Variants in CAPN8 observed in about 807,000 individuals in gnomAD.
CAPN8 encodes calpain 8, also known as calpain-8.
A neutral mutation model predicts 80.9 loss-of-function variants in CAPN8; 87 were observed. The observed-to-expected ratio is 1.07, with a 90% CI of 0.90 to 1.28. The LOEUF (loss-of-function observed/expected upper bound fraction) is 1.28, where lower values mean the gene tolerates loss of function less well. Ranked by LOEUF, CAPN8 falls within the 50% of genes most tolerant of loss-of-function variation. CAPN8 has a pLI of 0.00. For synonymous variants in CAPN8, 299 were observed against 273.8 expected (o/e 1.09, Z -0.91); for missense variants, 757 against 702.0 (o/e 1.08, Z -0.89).
chr1:223,619,801 G>A (rs1289604831), intron 8 of CAPN8, among the ~76,000 whole-genome samples: 1 of 152,146 alleles, frequency 6.6e-6, no homozygotes, highest in Non-Finnish European at 1.5e-5. Context: ...GTTTAATTCG[G>A]AGTGATGTCC....
chr1:223,642,884 T>C, intron 2 of CAPN8: 1 of 451,104 alleles, frequency 2.2e-6, no homozygotes, highest in Non-Finnish European at 4.4e-6. Context: ...GCTTCAGGAC[T>C]TTCTGCCTCA....
intron 13 of CAPN8, among the ~76,000 whole-genome samples, chr1:223,557,209 A>C (rs2102694910): frequency 1.3e-5 from 1 of 77,268 alleles, no homozygotes; most frequent in South Asian, 4.4e-4. Context: ...CTCATGCATC[A>C]GCAGAAACAC....
intron 1 of CAPN8, among the ~76,000 whole-genome samples, chr1:223,657,014 G>GT (rs1248834659): frequency 6.6e-6 from 1 of 152,072 alleles, no homozygotes; most frequent in Non-Finnish European, 1.5e-5. Flanking sequence ...CATATGTCTT[G>GT]TACGTATGTC....
chr1:223,650,703 T>C (rs1410595667), intron 2 of CAPN8, among the ~76,000 whole-genome samples: 1 of 152,160 alleles, frequency 6.6e-6, no homozygotes, highest in Admixed American at 6.5e-5. Context: ...TTCCATGATC[T>C]AGTTGGATGA....
chr1:223,625,994 T>G (rs1311314562), intron 5 of CAPN8, 106 bp from the exon 6 acceptor site: 33 of 833,558 alleles, frequency 4.0e-5, no homozygotes, highest in Non-Finnish European at 5.8e-5. Context: ...GGCTTCAGTG[T>G]GGGACTAGGG....
At chr1:223,545,498 G>A (rs1413423317) in intron 16 of CAPN8, 199 bp from the exon 17 acceptor site, 9 of 797,076 alleles carry the variant, frequency 1.1e-5, no homozygotes, top group Admixed American at 2.9e-5. Flanking sequence ...GCTCTCCTCT[G>A]AGGCCAGGCA....
At chr1:223,554,029 A>G (rs1464436183) in intron 13 of CAPN8, 129 bp from the exon 14 acceptor site, 3 of 394,530 alleles carry the variant, frequency 7.6e-6, no homozygotes, top group African/African-American at 2.1e-5. Flanking sequence ...CTTTGGGCTA[A>G]GTGGGGGCAC....
chr1:223,557,006 C>G (rs1194056438), intron 13 of CAPN8, among the ~76,000 whole-genome samples: 1 of 152,128 alleles, frequency 6.6e-6, no homozygotes, highest in Non-Finnish European at 1.5e-5. Context: ...GGGCCTCTGG[C>G]GCCAGGTATT....
chr1:223,549,759 G>A (rs940604561), intron 15 of CAPN8, among the ~76,000 whole-genome samples: 3 of 152,206 alleles, frequency 2.0e-5, no homozygotes, highest in African/African-American at 4.8e-5. Context: ...CTGAGATAAT[G>A]AAAGTGAAGT....
chr1:223,609,779 T>C (rs1240915517), intron 11 of CAPN8, among the ~76,000 whole-genome samples: 1 of 152,212 alleles, frequency 6.6e-6, no homozygotes, highest in Non-Finnish European at 1.5e-5. Context: ...GCTTAAATCC[T>C]AGTCCTCAAG....
chr1:223,638,358 G>A (rs929421364), intron 2 of CAPN8, among the ~76,000 whole-genome samples: 7 of 151,280 alleles, frequency 4.6e-5, no homozygotes, highest in African/African-American at 1.7e-4. Flanking sequence ...AAGACTGTAT[G>A]GGGTGTGTGT....
chr1:223,552,150 G>A (rs74145914), intron 14 of CAPN8, among the ~76,000 whole-genome samples: 11,057 of 152,144 alleles, frequency 0.073, 695 homozygotes, highest in African/African-American at 0.17. Flanking sequence ...CCCATCCTCC[G>A]CTAGCCAGGC....
In CAPN8 at chr1:223,545,258, C is replaced by T. The variant is rs1005847325; in HGVS notation, c.1806G>A (p.Thr602=). The change falls in exon 17 of 21, where the codon ACG becomes ACA. Residue 602 remains threonine, a synonymous_variant. Transcript: ENST00000366872. ...GATACTTCTGAATCTTCAGCCAGAGCGTCTTGAATTCCACCGCCCCCAAAG... is the reference window on the plus strand; with the variant it reads ...GATACTTCTGAATCTTCAGCCAGAGTGTCTTGAATTCCACCGCCCCCAAAG... ...TGTLGAVEFK[T]LWLKIQKYLE... 10 of 1,551,630 alleles carry T rather than the reference C, an allele frequency of 6.4e-6. No individual in the cohort carries two copies. The highest frequency in any genetic ancestry group is 2.4e-5 in the South Asian group (2 of 84,054).
chr1:223,544,972 A>G, intron 17 of CAPN8, 122 bp from the exon 18 acceptor site: 2 of 1,498,590 alleles, frequency 1.3e-6, no homozygotes, highest in Non-Finnish European at 1.8e-6. Context: ...GACCCTATTG[A>G]CTCCTCCCAA....
chr1:223,541,743 C>T lies in CAPN8; in HGVS notation c.*93G>A, dbSNP rs550829066. 7 of 1,539,988 alleles carry T rather than the reference C, an allele frequency of 4.5e-6. No individual in the cohort carries two copies. The African/African-American group carries it at 9.6e-5, about 21-fold the overall frequency. Reference sequence around the variant, plus strand: ...AAAGGTATGAACAACCAGTGAATGCCACTGGAGCATAAATGTTCACAAAAT... The same window carrying T: ...AAAGGTATGAACAACCAGTGAATGCTACTGGAGCATAAATGTTCACAAAAT... On this transcript the variant is annotated 3_prime_UTR_variant, in exon 21 of 21. Transcript: ENST00000366872.
At chr1:223,662,959 G>A (rs1378182766) in intron 1 of CAPN8, among the ~76,000 whole-genome samples, 4 of 152,202 alleles carry the variant, frequency 2.6e-5, no homozygotes, top group African/African-American at 7.2e-5. Flanking sequence ...ATGTGAGCAT[G>A]AGCCTGCCCA....
Position 223,556,302 on chromosome 1 carries a change from G to GGTGT in CAPN8, c.1572+1825_1572+1828dup, listed in dbSNP as rs1165666796. On this transcript the variant is annotated intron_variant, in intron 13 of 20. Transcript: ENST00000366872. ...TGAGGACATTATCTGTGTATTCTGG[G>GGTGT]GTGTGTGTGTGTGTGTGTGTCAGTC... 9.5e-4 allele frequency among the ~76,000 whole-genome samples: 143 copies of GGTGT among 150,786 alleles called. 1 individual carries two copies. Among genetic ancestry groups the GGTGT allele is most frequent in the Admixed American group, 1.8e-3 (27 of 15,148 alleles).
chr1:223,647,375 G>A (rs1185094653), intron 2 of CAPN8, among the ~76,000 whole-genome samples: 1 of 152,152 alleles, frequency 6.6e-6, no homozygotes, highest in Non-Finnish European at 1.5e-5. Context: ...TATGTAAAAT[G>A]CAGATTTACT....
At chr1:223,656,526 A>G (rs1170150480) in intron 1 of CAPN8, among the ~76,000 whole-genome samples, 1 of 151,866 alleles carries the variant, frequency 6.6e-6, no homozygotes, top group Non-Finnish European at 1.5e-5. Flanking sequence ...TGAACATGAG[A>G]AAAAAAACCC....
Sources: allele counts gnomAD v4.1 joint callset (sites outside exome capture counted in the v4.1 genomes callset), GRCh38; gene constraint gnomAD v4.1.1; transcripts MANE v1.5; gene names NCBI Gene and HGNC (gene_info 2026-07-23, HGNC 2026-07-21).